The following ARMH4 variants were observed in gnomAD, a reference collection of about 807,000 sequenced individuals.
ARMH4 encodes the protein armadillo-like helical domain-containing protein 4.
In ARMH4, 49 loss-of-function variants were observed where a neutral mutation model predicts 61.9. The observed-to-expected ratio is 0.79, with a 90% confidence interval of 0.63 to 1.00. The LOEUF is 1.00. Ranked by LOEUF, ARMH4 falls within the 50% of genes least tolerant of loss-of-function variation. ARMH4 has a pLI of 0.00. For missense variants in ARMH4, 934 were observed against 930.0 expected, an observed-to-expected ratio of 1.00 and a Z score of -0.06; for synonymous variants, 368 against 341.5, an observed-to-expected ratio of 1.08 and a Z score of -0.85.
Position 58,003,628 on chromosome 14 carries a change from G to A in ARMH4, c.*1108C>T, listed in dbSNP as rs1472731459. On this transcript the variant is annotated 3_prime_UTR_variant, in exon 8 of 8. Coordinates refer to ENST00000267485, the MANE Select transcript of ARMH4 (RefSeq NM_001001872.4). ...CAGGGAATTACATTCCAAGGGAGAT[G>A]AGAAATGATTGAACATATTTCAATA... The A allele has an allele frequency of 1.3e-5, 2 of 152,224 alleles. No homozygotes were observed. Among genetic ancestry groups the A allele is most frequent in the African/African-American group, 2.4e-5 (1 of 41,452 alleles). 9.4% of individuals were successfully genotyped at this position (152,224 alleles called of 1,614,324 possible).
In ARMH4 at chr14:58,109,909, G is replaced by A. The variant is rs530578356; in HGVS notation, c.1832-12928C>T. ...ACAGTGGTGGTGGAAGGGGAAGCAGGCACGTTCTTCACAAGGTGGCAGGAG... is the reference window on the plus strand; with the variant it reads ...ACAGTGGTGGTGGAAGGGGAAGCAGACACGTTCTTCACAAGGTGGCAGGAG... On this transcript the variant is annotated intron_variant, in intron 4 of 7. Transcript: ENST00000267485. Among the ~76,000 whole-genome samples the A allele has an allele frequency of 1.5e-4, 23 of 152,272 alleles. 1 individual carries two copies. The highest frequency in any genetic ancestry group is 5.3e-4 in the African/African-American group (22 of 41,554).
intron 5 of ARMH4, among the ~76,000 whole-genome samples, chr14:58,031,592 T>C (rs1458518003): frequency 2.6e-5 from 4 of 152,214 alleles, no homozygotes; most frequent in African/African-American, 9.7e-5. Flanking sequence ...TGCGAGGTTT[T>C]ATACTCCCAG....
In ARMH4 at chr14:58,040,714, A is replaced by C. The variant is rs559101467; in HGVS notation, c.2090-28564T>G. 2.6e-5 allele frequency among the ~76,000 whole-genome samples: 4 copies of C among 152,282 alleles called. No homozygotes were observed. In the South Asian group the frequency reaches 8.3e-4, roughly 32 times the overall value. ...ATTGCTGGGTCAGATAAGCACCCTAAATTGAAACCTGGAATATATTTTCCC... is the reference window on the plus strand; with the variant it reads ...ATTGCTGGGTCAGATAAGCACCCTACATTGAAACCTGGAATATATTTTCCC... On this transcript the variant is annotated intron_variant, in intron 5 of 7. Coordinates refer to ENST00000267485, the MANE Select transcript of ARMH4 (RefSeq NM_001001872.4).
chr14:58,132,967 G>A, intron 3 of ARMH4, 123 bp downstream of exon 3: 3 of 946,266 alleles, frequency 3.2e-6, no homozygotes, highest in Non-Finnish European at 4.9e-6. Flanking sequence ...GTGTGTGTGT[G>A]TGTGTACGTG....
At chr14:58,045,302 G>A (rs923121691) in intron 5 of ARMH4, among the ~76,000 whole-genome samples, 1 of 152,198 alleles carries the variant, frequency 6.6e-6, no homozygotes, top group African/African-American at 2.4e-5. Flanking sequence ...ATGAGTTCAT[G>A]TGCTTTGTAG....
chr14:58,092,346 G>T (rs1052227074), intron 5 of ARMH4, among the ~76,000 whole-genome samples: 1 of 152,310 alleles, frequency 6.6e-6, no homozygotes, highest in Middle Eastern at 3.4e-3. Context: ...ACAGGAAAAA[G>T]TATACGTAAT....
intron 5 of ARMH4, among the ~76,000 whole-genome samples, chr14:58,051,522 C>T (rs1025016812): frequency 6.6e-6 from 1 of 152,150 alleles, no homozygotes; most frequent in African/African-American, 2.4e-5. Context: ...GGAATAGTTC[C>T]ACCAAAGAAA....
intron 5 of ARMH4, among the ~76,000 whole-genome samples, chr14:58,055,608 A>C (rs1884322255): frequency 6.6e-6 from 1 of 152,212 alleles, no homozygotes; most frequent in Non-Finnish European, 1.5e-5. Context: ...AGCTCAGTCC[A>C]CAGACCAGCA....
intron 1 of ARMH4, among the ~76,000 whole-genome samples, chr14:58,142,063 CT>C (rs534232049): frequency 1.8e-3 from 278 of 152,190 alleles, no homozygotes; most frequent in African/African-American, 6.4e-3. Context: ...GGTTTCAGTT[CT>C]TTTTTTAATC....
chr14:58,020,000 G>A (rs1001648723), intron 5 of ARMH4, among the ~76,000 whole-genome samples: 10 of 152,068 alleles, frequency 6.6e-5, no homozygotes, highest in Non-Finnish European at 1.2e-4. Flanking sequence ...TACTAAAGGG[G>A]TAGGGATGGG....
At chr14:58,050,312 C>T (rs1411771830) in intron 5 of ARMH4, among the ~76,000 whole-genome samples, 2 of 152,234 alleles carry the variant, frequency 1.3e-5, no homozygotes, top group Non-Finnish European at 2.9e-5. Flanking sequence ...TGGAGTAGAA[C>T]TTCTGGCTGC....
chr14:58,136,341 G>T (rs540274960), intron 2 of ARMH4, among the ~76,000 whole-genome samples: 9 of 152,130 alleles, frequency 5.9e-5, no homozygotes, highest in Admixed American at 5.9e-4. Flanking sequence ...AACAATCTGG[G>T]GCTATATGAC....
chr14:58,046,374 A>G (rs899110269), intron 5 of ARMH4, among the ~76,000 whole-genome samples: 5 of 152,150 alleles, frequency 3.3e-5, no homozygotes, highest in African/African-American at 1.2e-4. Flanking sequence ...TTCTGGCCTC[A>G]ATATATTATA....
At chr14:58,088,986 G>C (rs1464827372) in intron 5 of ARMH4, among the ~76,000 whole-genome samples, 1 of 152,114 alleles carries the variant, frequency 6.6e-6, no homozygotes, top group South Asian at 2.1e-4. Context: ...TGTTTTATAG[G>C]GGTAGCATCC....
chr14:58,140,569 C>T (rs182154360), intron 1 of ARMH4, among the ~76,000 whole-genome samples: 24 of 148,348 alleles, frequency 1.6e-4, no homozygotes, highest in African/African-American at 3.8e-4. Context: ...CAGGAGAATC[C>T]GTCTCAAAAA....
intron 4 of ARMH4, among the ~76,000 whole-genome samples, chr14:58,124,706 G>C (rs953640111): frequency 6.6e-6 from 1 of 152,144 alleles, no homozygotes; most frequent in Non-Finnish European, 1.5e-5. Context: ...TGCTCGAGGG[G>C]ACCTTTTAGA....
At chr14:58,021,564 C>T (rs999320875) in intron 5 of ARMH4, among the ~76,000 whole-genome samples, 1 of 152,198 alleles carries the variant, frequency 6.6e-6, no homozygotes, top group Non-Finnish European at 1.5e-5. Context: ...GAAACACCCT[C>T]ACAAACACGA....
In ARMH4 at chr14:58,003,289, C is replaced by T. The variant is rs543732299; in HGVS notation, c.*1447G>A. The T allele has an allele frequency of 3.7e-4, 57 of 152,340 alleles. No individual in the cohort carries two copies. The highest frequency in any genetic ancestry group is 1.3e-3 in the African/African-American group (54 of 41,574). The allele number at this position is 152,340 out of a possible 1,614,324, so 9.4% of individuals were successfully genotyped here. A position where few individuals can be genotyped will look rare whatever the true frequency, so the allele number is the denominator to read the frequency against. ...ATGGCTGGGTCCAAGTGGGTTCTCA[C>T]GCTGATTCTCTCTGGGTACAACTTT... On this transcript the variant is annotated 3_prime_UTR_variant, in exon 8 of 8. Transcript: ENST00000267485.
chr14:58,080,647 C>G (rs1255924755), intron 5 of ARMH4, among the ~76,000 whole-genome samples: 1 of 152,128 alleles, frequency 6.6e-6, no homozygotes, highest in Non-Finnish European at 1.5e-5. Flanking sequence ...CTATACTCAC[C>G]ACCTGGGTGA....
Sources: allele counts gnomAD v4.1 joint callset (sites outside exome capture counted in the v4.1 genomes callset), GRCh38; gene constraint gnomAD v4.1.1; transcripts MANE v1.5; gene names NCBI Gene and HGNC (gene_info 2026-07-23, HGNC 2026-07-21).